Variants in DNAH12 observed in about 807,000 individuals in gnomAD.
DNAH12 encodes the protein dynein axonemal heavy chain 12.
Under a neutral mutation model 371.5 loss-of-function variants are expected in DNAH12, and 285 were observed. The ratio of observed to expected loss-of-function variants is 0.77; its 90% CI spans 0.70 to 0.85. The LOEUF is 0.85. Among genes scored for constraint, DNAH12 ranks in the 40% least tolerant of loss-of-function variants. The probability of loss-of-function intolerance (pLI) is 0.00; values close to 1 mark genes in which losing one functional copy is unlikely to be tolerated. For missense variants in DNAH12, 3,611 were observed against 3,689.4 expected (o/e 0.98, Z 0.55); for synonymous variants, 1,200 against 1,213.0 (o/e 0.99, Z 0.22).
intron 35 of DNAH12, among the ~76,000 whole-genome samples, 194 bp from the exon 36 acceptor site, chr3:57,421,900 G>GTTTTTTTTTTTTTT (rs1383551758): frequency 4.5e-4 from 44 of 97,692 alleles, no homozygotes; most frequent in African/African-American, 7.3e-4. Context: ...ATGTTTGCAT[G>GTTTTTTTTTTTTTT]TCTTTTTTTT....
chr3:57,380,714 C>T (rs1658221042), intron 50 of DNAH12, among the ~76,000 whole-genome samples: 1 of 152,218 alleles, frequency 6.6e-6, no homozygotes, highest in African/African-American at 2.4e-5. Flanking sequence ...ATCCACCTGC[C>T]TCAGCCTCCC....
In DNAH12 at chr3:57,377,059, T is replaced by C. The variant is rs1456092225; in HGVS notation, c.8387A>G (p.Glu2796Gly). 2 of 152,180 alleles carry C rather than the reference T, an allele frequency of 1.3e-5. No individual in the cohort carries two copies. Among genetic ancestry groups the C allele is most frequent in the Non-Finnish European group, 2.9e-5 (2 of 68,032 alleles). 9.4% of individuals were successfully genotyped at this position (152,180 alleles called of 1,614,324 possible). Residue 2796 changes from glutamate (E) to glycine (G), a missense_variant, in exon 53 of 74, where the codon GAA (glutamate) becomes GGA (glycine). Physicochemically the swap from Glu to Gly is moderately conservative, Grantham distance 98. Coordinates refer to ENST00000495027, the MANE Select transcript of DNAH12 (RefSeq NM_001366028.2). ...LEKTEEKAAL[E>G]DQVELCAKKL... ...CTTAGCACAGAGTTCCACCTGGTCT[T>C]CTAAAGCAGCCTTTTCCTCTGTTTT...
chr3:57,446,895 C>T (rs1240689406), intron 25 of DNAH12, among the ~76,000 whole-genome samples: 1 of 152,170 alleles, frequency 6.6e-6, no homozygotes, highest in Non-Finnish European at 1.5e-5. Flanking sequence ...TGTATCAAAA[C>T]TTGTCTTCTG....
intron 69 of DNAH12, among the ~76,000 whole-genome samples, chr3:57,306,500 C>T (rs908980908): frequency 2.6e-5 from 4 of 152,068 alleles, no homozygotes; most frequent in African/African-American, 9.7e-5. Flanking sequence ...GCTACAGCCA[C>T]ACCTCATTGC....
At chr3:57,471,665 G>A (rs898227145) in intron 14 of DNAH12, 59 bp from the exon 15 acceptor site, 6 of 1,402,208 alleles carry the variant, frequency 4.3e-6, no homozygotes, top group Non-Finnish European at 5.6e-6. Context: ...TATCAAGTCA[G>A]AAATCCAAAT....
At chr3:57,359,577 A>AAAG (rs1553663714) in intron 58 of DNAH12, among the ~76,000 whole-genome samples, 7 of 145,136 alleles carry the variant, frequency 4.8e-5, no homozygotes, top group African/African-American at 1.9e-4. Flanking sequence ...AAAAAAAAAA[A>AAAG]AAAGAAAGAA....
In DNAH12 at chr3:57,375,426, G is replaced by A. The variant is rs897761132; in HGVS notation, c.8704C>T (p.Pro2902Ser). 6 of 152,028 alleles carry A rather than the reference G, an allele frequency of 3.9e-5. No individual in the cohort carries two copies. Among genetic ancestry groups the A allele is most frequent in the African/African-American group, 1.4e-4 (6 of 41,410 alleles). 9.4% of individuals were successfully genotyped at this position (152,028 alleles called of 1,614,324 possible). A position where few individuals can be genotyped will look rare whatever the true frequency, so the allele number is the denominator to read the frequency against. ...KIRAWNIAGL[P>S]TDTFSIDNGV... Reference sequence around the variant, plus strand: ...TTATCTATGGAAAATGTATCTGTTGGTAAACCAGCAATATTCCAAGCTCTA... The same window carrying A: ...TTATCTATGGAAAATGTATCTGTTGATAAACCAGCAATATTCCAAGCTCTA... Residue 2902 changes from proline to serine, a missense_variant, in exon 55 of 74, where the codon CCA (proline) becomes TCA (serine). Physicochemically the swap from Pro to Ser is moderately conservative, Grantham distance 74. Around this residue, in one of 3 missense-constraint regions of DNAH12, gnomAD observed 2,266 missense variants for 2,236.9 expected, o/e 1.01. Transcript: ENST00000495027.
intron 62 of DNAH12, among the ~76,000 whole-genome samples, chr3:57,330,965 A>G (rs2062082030): frequency 6.6e-6 from 1 of 152,186 alleles, no homozygotes; most frequent in South Asian, 2.1e-4. Flanking sequence ...AAACAAGTAG[A>G]AGGCCTGAAT....
intron 11 of DNAH12, among the ~76,000 whole-genome samples, chr3:57,491,095 A>AC (rs2067107528): frequency 1.4e-5 from 2 of 148,098 alleles, no homozygotes; most frequent in African/African-American, 2.5e-5. Context: ...AAAAAAAAAA[A>AC]AAAAAACAAC....
In DNAH12 at chr3:57,470,570, T is replaced by C; in HGVS notation, c.1978A>G (p.Asn660Asp). 1 of 1,550,268 alleles carries C rather than the reference T, an allele frequency of 6.5e-7. No individual in the cohort carries two copies. Among genetic ancestry groups the C allele is most frequent in the Non-Finnish European group, 8.7e-7 (1 of 1,146,716 alleles). ...QESEEAVQFINKEEELFKWEL... is the reference protein window; with the variant it reads ...QESEEAVQFIDKEEELFKWEL... ...CACTTGAAAAGTTCCTCTTCTTTAT[T>C]AATAAACTGCACTGCTTCTTCAGAT... The change falls in exon 16 of 74, where the codon AAT becomes GAT. Residue 660 changes from asparagine (N) to aspartate (D), a missense_variant. Physicochemically the swap from Asn to Asp is conservative, Grantham distance 23 (BLOSUM62 1). This residue lies in a region of DNAH12 where 1,314 missense variants were observed against 1,398.7 expected (regional missense o/e 0.94). Transcript: ENST00000495027.
chr3:57,499,647 A>AAAAAAAAAAAAAAAATAT (rs1451248906), intron 11 of DNAH12, among the ~76,000 whole-genome samples: 1 of 17,946 alleles, frequency 5.6e-5, no homozygotes, highest in Non-Finnish European at 1.2e-4. Flanking sequence ...AAAAAAAAAA[A>AAAAAAAAAAAAAAAATAT]ATATATATAT....
Position 57,405,720 on chromosome 3 carries a change from A to T in DNAH12, c.6509T>A (p.Val2170Asp). ...RRWLFQLTKT[V>D]IKDHFKESFH... ...TGATTCTTTAAAATGGTCCTTTATA[A>T]CAGTTTTAGTTAACTGGAACAGCCA... Residue 2170 changes from valine (V) to aspartate (D), a missense_variant, in exon 41 of 74, where the codon GTT becomes GAT. Physicochemically the swap from Val to Asp is radical, Grantham distance 152. This residue lies in a region of DNAH12 where 2,266 missense variants were observed against 2,236.9 expected (regional missense o/e 1.01). Coordinates refer to ENST00000495027, the MANE Select transcript of DNAH12 (RefSeq NM_001366028.2). 6.4e-7 allele frequency: 1 copy of T among 1,551,688 alleles called. No homozygotes were observed. The highest frequency in any genetic ancestry group is 2.0e-5 in the Admixed American group (1 of 51,004).
At chr3:57,514,483 C>T (rs2068115659) in intron 4 of DNAH12, among the ~76,000 whole-genome samples, 1 of 151,618 alleles carries the variant, frequency 6.6e-6, no homozygotes, top group South Asian at 2.1e-4. Context: ...GAAAACATAC[C>T]TGTTCATTTT....
At chr3:57,433,606 T>G in intron 31 of DNAH12, 39 bp downstream of exon 31, 2 of 1,535,606 alleles carry the variant, frequency 1.3e-6, no homozygotes, top group South Asian at 2.5e-5. Flanking sequence ...TAACAGGCAC[T>G]TTCCATAAGA....
chr3:57,376,807 C>T (rs2063291401), intron 53 of DNAH12, among the ~76,000 whole-genome samples, 174 bp downstream of exon 53: 9 of 152,156 alleles, frequency 5.9e-5, no homozygotes, highest in Non-Finnish European at 1.3e-4. Flanking sequence ...AATTTGTAAA[C>T]ACCATCCTCA....
chr3:57,506,363 C>A (rs2067758978), intron 8 of DNAH12, among the ~76,000 whole-genome samples: 1 of 152,108 alleles, frequency 6.6e-6, no homozygotes, highest in African/African-American at 2.4e-5. Flanking sequence ...ATATTTACAC[C>A]ACAGAAGTCG....
At position 57,326,579 on chromosome 3, in the gene DNAH12, C is replaced by T. The variant is rs185657594; in HGVS notation, c.9979-2960G>A. Among the ~76,000 whole-genome samples the T allele has an allele frequency of 2.0e-5, 3 of 152,164 alleles. No homozygotes were observed. In the South Asian group the frequency reaches 6.2e-4, roughly 32 times the overall value. On this transcript the variant is annotated intron_variant, in intron 62 of 73. Coordinates refer to ENST00000495027, the MANE Select transcript of DNAH12 (RefSeq NM_001366028.2). ...AGGAAGCACTAAACATGGAAAGGAA[C>T]AACCAGTACCAGCCGCTGCAAAATC...
intron 60 of DNAH12, among the ~76,000 whole-genome samples, chr3:57,347,575 G>T (rs578146141): frequency 9.2e-5 from 14 of 152,130 alleles, no homozygotes; most frequent in African/African-American, 3.4e-4. Context: ...AATTAGCCGG[G>T]CTTGGTGGCA....
chr3:57,477,814 G>T (rs562006129), intron 13 of DNAH12, among the ~76,000 whole-genome samples: 1 of 152,074 alleles, frequency 6.6e-6, no homozygotes, highest in East Asian at 1.9e-4. Context: ...AGGCAAACAG[G>T]GTCTGGAGTG....
Sources: allele counts gnomAD v4.1 joint callset (sites outside exome capture counted in the v4.1 genomes callset), GRCh38; gene constraint gnomAD v4.1.1; regional missense constraint gnomAD v4.1.1; transcripts MANE v1.5; gene names NCBI Gene and HGNC (gene_info 2026-07-23, HGNC 2026-07-21).